Variants in CCDC85A observed in about 807,000 individuals in gnomAD.
The protein encoded by CCDC85A is coiled-coil domain-containing protein 85A.
A neutral mutation model predicts 50.2 loss-of-function variants in CCDC85A; 38 were observed. That is an observed-to-expected ratio of 0.76 (90% CI 0.58 to 0.99). The LOEUF is 0.99. CCDC85A is among the 50% of genes least tolerant of loss of function. The probability of loss-of-function intolerance (pLI) is 0.00; values close to 1 mark genes in which losing one functional copy is unlikely to be tolerated. For missense variants in CCDC85A, 820 were observed against 742.0 expected (o/e 1.11, Z -1.22); for synonymous variants, 366 against 301.4 (o/e 1.21, Z -2.22).
intron 2 of CCDC85A, among the ~76,000 whole-genome samples, chr2:56,300,088 A>T (rs1008782397): frequency 6.6e-6 from 1 of 152,174 alleles, no homozygotes; most frequent in Non-Finnish European, 1.5e-5. Flanking sequence ...GTACACATAG[A>T]TCTAGGCAAA....
intron 3 of CCDC85A, among the ~76,000 whole-genome samples, chr2:56,359,506 T>C (rs1320688578): frequency 6.6e-6 from 1 of 152,202 alleles, no homozygotes; most frequent in East Asian, 1.9e-4. Context: ...TTAGAGAGAT[T>C]GGTAAGAAAC....
chr2:56,264,255 C>A (rs896366190), intron 2 of CCDC85A, among the ~76,000 whole-genome samples: 1 of 152,062 alleles, frequency 6.6e-6, no homozygotes, highest in Non-Finnish European at 1.5e-5. Context: ...TATCTAACTG[C>A]CTATTTGATA....
chr2:56,328,446 C>T (rs10172020), intron 2 of CCDC85A, among the ~76,000 whole-genome samples: 21,418 of 152,030 alleles, frequency 0.14, 1,656 homozygotes, highest in Admixed American at 0.22. Context: ...TGACTTCTGT[C>T]GTCAGACCCT....
chr2:56,279,942 G>A (rs1671129933), intron 2 of CCDC85A, among the ~76,000 whole-genome samples: 1 of 152,140 alleles, frequency 6.6e-6, no homozygotes, highest in Non-Finnish European at 1.5e-5. Flanking sequence ...AACAAAGTTG[G>A]TGCTGTTAAT....
intron 2 of CCDC85A, among the ~76,000 whole-genome samples, chr2:56,311,527 T>C (rs1672691912): frequency 1.3e-5 from 2 of 152,028 alleles, no homozygotes. Flanking sequence ...TGCAGGTTTG[T>C]TACATATGTA....
chr2:56,313,034 T>C (rs1437004230), intron 2 of CCDC85A, among the ~76,000 whole-genome samples: 2 of 152,150 alleles, frequency 1.3e-5, no homozygotes, highest in African/African-American at 2.4e-5. Context: ...AACATGCTCA[T>C]TTTATGGAAG....
At chr2:56,194,898 C>T (rs1201845445) in intron 2 of CCDC85A, among the ~76,000 whole-genome samples, 1 of 146,800 alleles carries the variant, frequency 6.8e-6, no homozygotes, top group Non-Finnish European at 1.5e-5. Flanking sequence ...GTCTTGGCTG[C>T]CCAATTCTGT....
intron 3 of CCDC85A, among the ~76,000 whole-genome samples, chr2:56,344,737 A>G (rs1674547988): frequency 6.6e-6 from 1 of 152,064 alleles, no homozygotes; most frequent in African/African-American, 2.4e-5. Context: ...AAAACATCTA[A>G]CTTCTTACTT....
chr2:56,335,184 G>A (rs1270191226), intron 2 of CCDC85A, among the ~76,000 whole-genome samples: 1 of 152,140 alleles, frequency 6.6e-6, no homozygotes, highest in Non-Finnish European at 1.5e-5. Flanking sequence ...ATTCTAAGTA[G>A]GAGGCTGACC....
At chr2:56,297,757 G>A (rs148840755) in intron 2 of CCDC85A, among the ~76,000 whole-genome samples, 45 of 152,240 alleles carry the variant, frequency 3.0e-4, no homozygotes, top group East Asian at 9.6e-4. Flanking sequence ...AGGTGATGTC[G>A]GGGACTTGGA....
intron 2 of CCDC85A, among the ~76,000 whole-genome samples, chr2:56,194,807 C>A (rs922030425): frequency 6.6e-6 from 1 of 152,196 alleles, no homozygotes; most frequent in African/African-American, 2.4e-5. Context: ...TGGCTGGTGC[C>A]TTTCCAAGGT....
intron 3 of CCDC85A, among the ~76,000 whole-genome samples, chr2:56,361,006 CA>C (rs1262227235): frequency 6.6e-6 from 1 of 152,176 alleles, no homozygotes; most frequent in Non-Finnish European, 1.5e-5. Context: ...GTAATCCCAG[CA>C]CTTTGGGAAG....
Position 56,184,666 on chromosome 2 carries a change from G to A in CCDC85A, c.42G>A (p.Ala14=), listed in dbSNP as rs1406184664. 1.4e-6 allele frequency: 2 copies of A among 1,461,802 alleles called. No homozygotes were observed. The highest frequency in any genetic ancestry group is 1.8e-6 in the Non-Finnish European group (2 of 1,118,798). 90.6% of individuals were successfully genotyped at this position (1,461,802 alleles called of 1,614,324 possible). ...GAGGCGCGGCGGCGGCTGCGGCGGCGGCGGAAAGTTGTTCCCCAGCCCCGG... is the reference window on the plus strand; with the variant it reads ...GAGGCGCGGCGGCGGCTGCGGCGGCAGCGGAAAGTTGTTCCCCAGCCCCGG... ...AAGGAAAAAA[A]AESCSPAPAG... The change falls in exon 1 of 6, where the codon GCG becomes GCA. Residue 14 remains alanine, a synonymous_variant. Transcript: ENST00000407595.
At chr2:56,191,732 G>A (rs956061108) in intron 1 of CCDC85A, among the ~76,000 whole-genome samples, 11 of 152,242 alleles carry the variant, frequency 7.2e-5, no homozygotes, top group Non-Finnish European at 1.6e-4. Flanking sequence ...CTTGAGATAA[G>A]TGAGAGATGC....
At chr2:56,255,229 A>G (rs1026577594) in intron 2 of CCDC85A, among the ~76,000 whole-genome samples, 1 of 152,212 alleles carries the variant, frequency 6.6e-6, no homozygotes, top group African/African-American at 2.4e-5. Flanking sequence ...AAGAGGTTAT[A>G]ATAGCATTTA....
intron 2 of CCDC85A, among the ~76,000 whole-genome samples, chr2:56,287,191 T>C (rs910887236): frequency 6.6e-6 from 1 of 152,208 alleles, no homozygotes; most frequent in Non-Finnish European, 1.5e-5. Flanking sequence ...AACCCAGACT[T>C]TTGTCAAGGA....
intron 2 of CCDC85A, among the ~76,000 whole-genome samples, chr2:56,215,284 G>A (rs1265171839): frequency 6.6e-6 from 1 of 151,862 alleles, no homozygotes; most frequent in East Asian, 1.9e-4. Flanking sequence ...TTGGCGGCTT[G>A]TTTTTTGTCA....
At chr2:56,276,268 T>TACTTTTTATTTTGCTTACTG (rs1670936725) in intron 2 of CCDC85A, among the ~76,000 whole-genome samples, 1 of 150,358 alleles carries the variant, frequency 6.7e-6, no homozygotes, top group South Asian at 2.1e-4. Context: ...TATTTTTGAG[T>TACTTTTTATTTTGCTTACTG]GCTTTTTATT....
chr2:56,358,436 C>T (rs1047660027), intron 3 of CCDC85A, among the ~76,000 whole-genome samples: 6 of 152,218 alleles, frequency 3.9e-5, no homozygotes, highest in African/African-American at 7.2e-5. Flanking sequence ...ACCTAGCCTC[C>T]TTCTCCAGAA....
Sources: gnomAD v4.1 joint callset for allele counts (sites outside exome capture counted in the v4.1 genomes callset) on GRCh38, gnomAD v4.1.1 for gene constraint, MANE v1.5 for transcripts, NCBI Gene and HGNC (gene_info 2026-07-23, HGNC 2026-07-21) for gene names.